The following CHD2 variants were observed in gnomAD, a reference collection of about 807,000 sequenced individuals.
The protein encoded by CHD2 is chromodomain helicase DNA binding protein 2.
CHD2 carries 28 observed loss-of-function variants against 243.9 expected under a neutral mutation model. The ratio of observed to expected loss-of-function variants is 0.11; its 90% CI spans 0.09 to 0.16. CHD2 has a LOEUF of 0.16. Ranked by LOEUF, CHD2 falls within the 10% of genes least tolerant of loss-of-function variation. The pLI is 1.00. For synonymous variants in CHD2, 775 were observed against 779.0 expected (o/e 0.99, Z 0.09); for missense variants, 1,386 against 2,209.8 (o/e 0.63, Z 7.47).
intron 2 of CHD2, among the ~76,000 whole-genome samples, chr15:92,908,261 A>G (rs2052658873): frequency 6.6e-6 from 1 of 152,164 alleles, no homozygotes; most frequent in Admixed American, 6.5e-5. Context: ...TAAATGTAAC[A>G]GCAGTAATAT....
chr15:92,982,636 T>A (rs577616165), intron 24 of CHD2, among the ~76,000 whole-genome samples: 20 of 152,322 alleles, frequency 1.3e-4, no homozygotes, highest in African/African-American at 4.3e-4. Context: ...ACCTGATGAT[T>A]ACAATGATGG....
rs756801755 is a variant in CHD2, at chr15:92,900,806, G to GAC, written c.-88_-87dup. The GAC allele has an allele frequency of 1.7e-4, 69 of 395,864 alleles. No homozygotes were observed. The highest frequency in any genetic ancestry group is 2.8e-4 in the Non-Finnish European group (64 of 225,094). 24.5% of individuals were successfully genotyped at this position (395,864 alleles called of 1,614,324 possible). ...ACTAGTAGATAGGACTCTTGGTTTGGACATACTACATGGATCAGGTAAGTT... is the reference window on the plus strand; with the variant it reads ...ACTAGTAGATAGGACTCTTGGTTTGGACACATACTACATGGATCAGGTAAGTT... On this transcript the variant is annotated 5_prime_UTR_variant, in exon 1 of 39. Transcript: ENST00000394196.
At chr15:92,964,975 T>C (rs564830103) in intron 16 of CHD2, among the ~76,000 whole-genome samples, 6 of 152,322 alleles carry the variant, frequency 3.9e-5, no homozygotes, top group Admixed American at 2.6e-4. Context: ...GTGTGACTTT[T>C]AGCATACCAT....
rs2141795454 is a variant in CHD2, at chr15:92,946,058, C to A, written c.1219C>A (p.Pro407Thr). 1 of 1,591,292 alleles carries A rather than the reference C, an allele frequency of 6.3e-7. No individual in the cohort carries two copies. Among genetic ancestry groups the A allele is most frequent in the South Asian group, 1.1e-5 (1 of 87,326 alleles). ...DFPAHSRKPA[P>T]SNEPEYLCKW... ...AATAGCTCATAGTCGGAAGCCGGCA[C>A]CCTCAAATGAGCCCGAATATCTATG... Residue 407 changes from proline to threonine, a missense_variant, in exon 12 of 39, where the codon CCC (proline) becomes ACC (threonine). Physicochemically the swap from Pro to Thr is conservative, Grantham distance 38. This residue lies in a region of CHD2 where 200 missense variants were observed against 292.5 expected (regional missense o/e 0.68). Transcript: ENST00000394196.
chr15:92,904,524 C>A, intron 2 of CHD2: 1 of 996,800 alleles, frequency 1.0e-6, no homozygotes, highest in African/African-American at 1.7e-5. Flanking sequence ...TGGGACTTTC[C>A]GGTGGGCGGC....
chr15:92,927,395 C>T, intron 4 of CHD2, 65 bp downstream of exon 4: 1 of 1,196,052 alleles, frequency 8.4e-7, no homozygotes. Flanking sequence ...CTTTCTGACT[C>T]TGGTATGTAT....
intron 17 of CHD2, among the ~76,000 whole-genome samples, chr15:92,967,756 C>T (rs528691044): frequency 5.2e-4 from 79 of 151,810 alleles, no homozygotes; most frequent in African/African-American, 1.8e-3. Context: ...CTTGAACTCC[C>T]GACCTCAGGT....
chr15:92,971,755 T>C lies in CHD2; in HGVS notation c.2190-10T>C. Reference sequence around the variant, plus strand: ...GTATCTAGTAGTATCATTATCATTTTAATTTGCAGGTGGATTCTGACCAGG... The same window carrying C: ...GTATCTAGTAGTATCATTATCATTTCAATTTGCAGGTGGATTCTGACCAGG... On this transcript the variant is annotated splice_polypyrimidine_tract_variant and intron_variant, in intron 17 of 38. Coordinates refer to ENST00000394196, the MANE Select transcript of CHD2 (RefSeq NM_001271.4). 1 of 1,609,198 alleles carries C rather than the reference T, an allele frequency of 6.2e-7. No individual in the cohort carries two copies. Among genetic ancestry groups the C allele is most frequent in the Non-Finnish European group, 8.5e-7 (1 of 1,178,264 alleles).
At chr15:92,904,906 A>G in intron 2 of CHD2, 4 of 1,535,994 alleles carry the variant, frequency 2.6e-6, no homozygotes, top group African/African-American at 1.4e-5. Flanking sequence ...GCTGTTTAAT[A>G]CATGGCTCAT....
rs963132903 is a variant in CHD2, at chr15:93,027,416, C to T, written c.*2711C>T. On this transcript the variant is annotated 3_prime_UTR_variant, in exon 39 of 39. Transcript: ENST00000394196. ...CTTAGAAAAGGGCCAGGTGAAACCC[C>T]AAGCTAATCACTGCGGTCTTTCAGA... 6.6e-6 allele frequency: 1 copy of T among 152,204 alleles called. No individual in the cohort carries two copies. The highest frequency in any genetic ancestry group is 1.5e-5 in the Non-Finnish European group (1 of 68,048). The allele number at this position is 152,204 out of a possible 1,614,324, so 9.4% of individuals were successfully genotyped here. A position where few individuals can be genotyped will look rare whatever the true frequency, so the allele number is the denominator to read the frequency against.
chr15:92,960,943 C>G (rs940941825), intron 16 of CHD2, among the ~76,000 whole-genome samples: 5 of 151,984 alleles, frequency 3.3e-5, no homozygotes, highest in Non-Finnish European at 5.9e-5. Flanking sequence ...GTCTCGAACT[C>G]CTGGCCGTAA....
At chr15:92,912,631 T>G (rs1203615649) in intron 2 of CHD2, among the ~76,000 whole-genome samples, 2 of 152,254 alleles carry the variant, frequency 1.3e-5, no homozygotes, top group Non-Finnish European at 2.9e-5. Flanking sequence ...CCTCCTGGGT[T>G]CAAGTGATTC....
intron 17 of CHD2, among the ~76,000 whole-genome samples, chr15:92,967,905 A>T (rs1385124425): frequency 6.6e-6 from 1 of 152,012 alleles, no homozygotes; most frequent in East Asian, 1.9e-4. Flanking sequence ...TGTCATATAC[A>T]TGTATGTATA....
intron 17 of CHD2, among the ~76,000 whole-genome samples, chr15:92,970,610 G>A (rs772665640): frequency 1.2e-4 from 19 of 152,012 alleles, no homozygotes; most frequent in Non-Finnish European, 1.8e-4. Flanking sequence ...TTTCTCTTAG[G>A]TAAGTGGTAG....
At chr15:92,970,693 C>G (rs1264394013) in intron 17 of CHD2, among the ~76,000 whole-genome samples, 1 of 152,110 alleles carries the variant, frequency 6.6e-6, no homozygotes, top group Non-Finnish European at 1.5e-5. Context: ...CCCATAGTAG[C>G]TTATAGAGAT....
chr15:92,932,049 A>C (rs912377015), intron 5 of CHD2, among the ~76,000 whole-genome samples: 9 of 152,088 alleles, frequency 5.9e-5, no homozygotes, highest in African/African-American at 2.2e-4. Context: ...TTTTTAATAG[A>C]GACGGGGTTT....
chr15:92,964,890 T>G (rs554382643), intron 16 of CHD2, among the ~76,000 whole-genome samples: 11 of 152,350 alleles, frequency 7.2e-5, no homozygotes, highest in South Asian at 2.1e-4. Context: ...GTTGGGATGA[T>G]TTTTTAAATT....
intron 31 of CHD2, among the ~76,000 whole-genome samples, chr15:92,999,821 G>C (rs920017172): frequency 8.6e-5 from 13 of 151,970 alleles, no homozygotes; most frequent in African/African-American, 3.1e-4. Flanking sequence ...TATGTAACTT[G>C]CTTTCAGGTT....
intron 16 of CHD2, among the ~76,000 whole-genome samples, chr15:92,963,923 GT>G (rs1425994202): frequency 7.2e-5 from 11 of 152,352 alleles, no homozygotes; most frequent in Admixed American, 2.6e-4. Flanking sequence ...GTGGTATGTA[GT>G]TTCTACCAGT....
Sources: allele counts gnomAD v4.1 joint callset (sites outside exome capture counted in the v4.1 genomes callset), GRCh38; gene constraint gnomAD v4.1.1; regional missense constraint gnomAD v4.1.1; transcripts MANE v1.5; gene names NCBI Gene and HGNC (gene_info 2026-07-23, HGNC 2026-07-21).